The following RUSF1 variants were observed in gnomAD, a reference collection of about 807,000 sequenced individuals.
RUSF1 encodes RUS1 family protein C16orf58.
In RUSF1, 58 loss-of-function variants were observed where a neutral mutation model predicts 63.0. The observed-to-expected ratio is 0.92, with a 90% CI of 0.75 to 1.15. The LOEUF is 1.15. Ranked by LOEUF, RUSF1 falls within the 50% of genes most tolerant of loss-of-function variation. The pLI is 0.00. For missense variants in RUSF1, 652 were observed against 611.0 expected (o/e 1.07, Z -0.71); for synonymous variants, 274 against 255.8 (o/e 1.07, Z -0.68).
At chr16:31,504,101 T>C (rs1200801106) in intron 2 of RUSF1, among the ~76,000 whole-genome samples, 1 of 151,848 alleles carries the variant, frequency 6.6e-6, no homozygotes. Context: ...GGTTAAACCA[T>C]ATTGGCCAGG....
intron 2 of RUSF1, among the ~76,000 whole-genome samples, chr16:31,503,063 T>TA (rs1253853829): frequency 1.3e-5 from 2 of 152,232 alleles, no homozygotes; most frequent in African/African-American, 4.8e-5. Flanking sequence ...GGACAAATGA[T>TA]ATATATACTC....
At position 31,496,888 on chromosome 16, in the gene RUSF1, C is replaced by G. The variant is rs1448095090; in HGVS notation, c.663G>C (p.Arg221Ser). 1 of 1,609,300 alleles carries G rather than the reference C, an allele frequency of 6.2e-7. No homozygotes were observed. Among genetic ancestry groups the G allele is most frequent in the Non-Finnish European group, 8.5e-7 (1 of 1,178,182 alleles). Reference sequence around the variant, plus strand: ...TGGCTGACACGTCAGCCATGTTGTTCCTCCGAGCCTGGTGCACGGTCAGGG... The same window carrying G: ...TGGCTGACACGTCAGCCATGTTGTTGCTCCGAGCCTGGTGCACGGTCAGGG... The part of the protein sequence containing the change: ...RAALTVHQAR[R>S]NNMADVSAKD... The change falls in exon 6 of 13, where the codon AGG (arginine) becomes AGC (serine). Residue 221 changes from arginine (R) to serine (S), a missense_variant. Coordinates refer to ENST00000327237, the MANE Select transcript of RUSF1 (RefSeq NM_022744.4).
chr16:31,499,584 A>G, intron 3 of RUSF1, 59 bp from the exon 4 acceptor site: 7 of 1,497,596 alleles, frequency 4.7e-6, no homozygotes, highest in Non-Finnish European at 5.4e-6. Flanking sequence ...TCCTATGGGC[A>G]GTGTGGGGAG....
At chr16:31,496,380 C>T (rs1357889943) in intron 6 of RUSF1, among the ~76,000 whole-genome samples, 1 of 152,148 alleles carries the variant, frequency 6.6e-6, no homozygotes, top group East Asian at 1.9e-4. Flanking sequence ...GCACTCAGCA[C>T]GGGGTTTGTA....
At chr16:31,505,646 C>T (rs749051234) in intron 2 of RUSF1, among the ~76,000 whole-genome samples, 5 of 152,126 alleles carry the variant, frequency 3.3e-5, no homozygotes, top group Non-Finnish European at 7.4e-5. Context: ...GAGGGGATTA[C>T]TGTGGCACTA....
chr16:31,499,115 T>TA (rs1445371556), intron 5 of RUSF1, 187 bp downstream of exon 5: 2 of 631,808 alleles, frequency 3.2e-6, no homozygotes, highest in African/African-American at 3.7e-5. Context: ...GACATTGCCT[T>TA]ACACTTTCTG....
chr16:31,500,733 TG>T lies in RUSF1; in HGVS notation c.416-3del. 5 of 1,612,156 alleles carry T rather than the reference TG, an allele frequency of 3.1e-6. No individual in the cohort carries two copies. The highest frequency in any genetic ancestry group is 4.2e-6 in the Non-Finnish European group (5 of 1,178,714). On this transcript the variant is annotated splice_polypyrimidine_tract_variant and splice_region_variant and intron_variant, in intron 2 of 12. Transcript: ENST00000327237. ...TGCGGCCCAGCATGCCAGTTGAATC[TG>T]GGGGAAAGAAGGCACAGGTAAGGAG...
rs146522708 is a variant in RUSF1, at chr16:31,505,949, G to A, written c.415+1815C>T. Among the ~76,000 whole-genome samples the A allele has an allele frequency of 2.4e-4, 37 of 152,330 alleles. 2 individuals carry two copies. In the East Asian group the frequency reaches 7.0e-3, roughly 29 times the overall value. ...TTGTTGCTGCTGCTATGGTTCAGAA[G>A]CTGATACAGGTGTTCTGGTGATCTG... On this transcript the variant is annotated intron_variant, in intron 2 of 12. Transcript: ENST00000327237.
intron 2 of RUSF1, among the ~76,000 whole-genome samples, chr16:31,503,222 A>G (rs911879302): frequency 1.3e-5 from 2 of 152,202 alleles, no homozygotes; most frequent in African/African-American, 4.8e-5. Flanking sequence ...ACTTGGCTCC[A>G]CTTGACATTC....
chr16:31,506,577 T>A (rs1315543138), intron 2 of RUSF1, among the ~76,000 whole-genome samples: 1 of 151,864 alleles, frequency 6.6e-6, no homozygotes, highest in Non-Finnish European at 1.5e-5. Flanking sequence ...AAGTCAGGAG[T>A]TCGAGACCAG....
chr16:31,490,059 G>C lies in RUSF1; in HGVS notation c.*776C>G. The C allele has an allele frequency of 6.2e-7, 1 of 1,611,344 alleles. No homozygotes were observed. Among genetic ancestry groups the C allele is most frequent in the Non-Finnish European group, 8.5e-7 (1 of 1,179,650 alleles). ...TGCAAGAGACTTTAGGGCCAGGCATGGGGGGACAGAACTCCCACCTCGTTC... is the reference window on the plus strand; with the variant it reads ...TGCAAGAGACTTTAGGGCCAGGCATCGGGGGACAGAACTCCCACCTCGTTC... On this transcript the variant is annotated 3_prime_UTR_variant, in exon 13 of 13. Coordinates refer to ENST00000327237, the MANE Select transcript of RUSF1 (RefSeq NM_022744.4).
intron 12 of RUSF1, 55 bp from the exon 13 acceptor site, chr16:31,490,987 G>A: frequency 6.4e-7 from 1 of 1,556,352 alleles, no homozygotes; most frequent in Non-Finnish European, 8.9e-7. Context: ...GGTAAGGAGA[G>A]GCACAGGCTG....
chr16:31,489,732 G>A lies in RUSF1; in HGVS notation c.*1103C>T. On this transcript the variant is annotated 3_prime_UTR_variant, in exon 13 of 13. Transcript: ENST00000327237. ...GGGGTGAGGACAGGACAAGAGATCT[G>A]GGTGTGGAAGGATGGCCGGGTTTCT... is the stretch of plus-strand genomic sequence containing the variant. 2.2e-6 allele frequency: 1 copy of A among 445,466 alleles called. No homozygotes were observed. Among genetic ancestry groups the A allele is most frequent in the Non-Finnish European group, 4.2e-6 (1 of 239,272 alleles). 27.6% of individuals were successfully genotyped at this position (445,466 alleles called of 1,614,324 possible). A position where few individuals can be genotyped will look rare whatever the true frequency, so the allele number is the denominator to read the frequency against.
chr16:31,492,762 A>G (rs1460857614), intron 10 of RUSF1, among the ~76,000 whole-genome samples: 2 of 152,226 alleles, frequency 1.3e-5, no homozygotes. Context: ...ATCCTCATAA[A>G]AACACCGCAA....
intron 2 of RUSF1, among the ~76,000 whole-genome samples, chr16:31,507,001 G>A (rs940171308): frequency 2.0e-5 from 3 of 152,170 alleles, no homozygotes; most frequent in Non-Finnish European, 2.9e-5. Context: ...AATGGAAAGC[G>A]CTTTTCCTTA....
At position 31,492,060 on chromosome 16, in the gene RUSF1, C is replaced by T. The variant is rs571978612; in HGVS notation, c.1258G>A (p.Val420Ile). The change falls in exon 12 of 13, where the codon GTC (valine) becomes ATC (isoleucine). Residue 420 changes from valine to isoleucine, a missense_variant. By Grantham distance (29) the Val-to-Ile change is conservative (BLOSUM62 3). Coordinates refer to ENST00000327237, the MANE Select transcript of RUSF1 (RefSeq NM_022744.4). Reference sequence around the variant, plus strand: ...TCCAACACTTCGTGTGTCTCCTTGACGACGACCCAGCTCTCTTTCTTAGGA... The same window carrying T: ...TCCAACACTTCGTGTGTCTCCTTGATGACGACCCAGCTCTCTTTCTTAGGA... ...AGPKKESWVVVKETHEVLDML... is the reference protein window; with the variant it reads ...AGPKKESWVVIKETHEVLDML... The T allele has an allele frequency of 4.3e-5, 70 of 1,614,176 alleles. No homozygotes were observed. The East Asian group carries it at 8.2e-4, about 19-fold the overall frequency.
chr16:31,493,444 G>A (rs756563771), intron 9 of RUSF1, 23 bp downstream of exon 9: 1 of 1,581,422 alleles, frequency 6.3e-7, no homozygotes, highest in African/African-American at 1.4e-5. Context: ...GTGGTGACGA[G>A]CGGGAGACGC....
chr16:31,507,991 G>A (rs1467967225), intron 1 of RUSF1, 83 bp downstream of exon 1: 1 of 1,540,850 alleles, frequency 6.5e-7, no homozygotes, highest in Non-Finnish European at 8.8e-7. Context: ...CCGCCCCCCG[G>A]GCTCCGAGTC....
At position 31,490,726 on chromosome 16, in the gene RUSF1, G is replaced by A. The variant is rs2082559790; in HGVS notation, c.*109C>T. ...CTTCCCATGAGGGCCTGGCCCACCC[G>A]CTGCAGTTGCCCTAAGGAAAAATAA... On this transcript the variant is annotated 3_prime_UTR_variant, in exon 13 of 13. Coordinates refer to ENST00000327237, the MANE Select transcript of RUSF1 (RefSeq NM_022744.4). 5 of 1,304,766 alleles carry A rather than the reference G, an allele frequency of 3.8e-6. No individual in the cohort carries two copies. The highest frequency in any genetic ancestry group is 3.5e-5 in the Admixed American group (2 of 57,510). The allele number at this position is 1,304,766 out of a possible 1,614,324, so 80.8% of individuals were successfully genotyped here.
Sources: gnomAD v4.1 joint callset for allele counts (sites outside exome capture counted in the v4.1 genomes callset) on GRCh38, gnomAD v4.1.1 for gene constraint, MANE v1.5 for transcripts, NCBI Gene and HGNC (gene_info 2026-07-23, HGNC 2026-07-21) for gene names.